Variants in ARHGEF10L observed in about 807,000 individuals in gnomAD.
The protein encoded by ARHGEF10L is Rho guanine nucleotide exchange factor 10 like, also known as rho guanine nucleotide exchange factor 10-like protein.
In ARHGEF10L, 69 loss-of-function variants were observed where a neutral mutation model predicts 141.2. That is an observed-to-expected ratio of 0.49 (90% CI 0.40 to 0.60). The LOEUF is 0.60. Among genes scored for constraint, ARHGEF10L ranks in the 20% least tolerant of loss-of-function variants. ARHGEF10L has a pLI of 0.00. For missense variants in ARHGEF10L, 1,482 were observed against 1,734.3 expected (o/e 0.85, Z 2.58); for synonymous variants, 711 against 718.5 (o/e 0.99, Z 0.17).
Position 17,619,056 on chromosome 1 carries a change from G to A in ARHGEF10L, c.836-283G>A, listed in dbSNP as rs1053113572. Among the ~76,000 whole-genome samples the A allele has an allele frequency of 2.7e-4, 41 of 152,202 alleles. No individual in the cohort carries two copies. The highest frequency in any genetic ancestry group is 9.4e-4 in the African/African-American group (39 of 41,520). On this transcript the variant is annotated intron_variant, in intron 9 of 28. Transcript: ENST00000361221. This position sits in a 1 kb window ranked among gnomAD's most constrained non-coding sequence, Gnocchi z 5.0. ...AGTGGCTTCTGGCAGCATGGACGCC[G>A]AGAACCCAGGCCCCACAGGACGCAG...
At chr1:17,695,056 AG>A (rs1558058681) in intron 27 of ARHGEF10L, 101 bp from the exon 28 acceptor site, 2 of 1,556,800 alleles carry the variant, frequency 1.3e-6, no homozygotes, top group Admixed American at 1.7e-5. Flanking sequence ...TGCTGGTTTC[AG>A]GGGAGGAGCC....
the ARHGEF10L span, among the ~76,000 whole-genome samples, chr1:17,534,374 C>T: frequency 1.3e-5 from 2 of 152,200 alleles, no homozygotes; most frequent in African/African-American, 2.4e-5. Flanking sequence ...TGCCCCACCT[C>T]GGCCTCCCAA....
chr1:17,608,035 G>A, intron 7 of ARHGEF10L, 58 bp downstream of exon 7: 1 of 1,303,566 alleles, frequency 7.7e-7, no homozygotes, highest in Non-Finnish European at 1.0e-6. Context: ...CCTTCAGGGA[G>A]GGAGGGAGGG....
Position 17,697,297 on chromosome 1 carries a change from G to C in ARHGEF10L, c.3757G>C (p.Ala1253Pro). The change falls in exon 29 of 29, where the codon GCT becomes CCT. Residue 1253 changes from alanine to proline, a missense_variant. Ala to Pro is a conservative substitution (Grantham distance 27, BLOSUM62 -1). Coordinates refer to ENST00000361221, the MANE Select transcript of ARHGEF10L (RefSeq NM_018125.4). The surrounding 1 kb of genome is among the most constrained non-coding windows in gnomAD (Gnocchi z 4.8). ...GGQGYRNFGS[A>P]LGSSGRQAPC... is the part of the protein sequence containing the mutation. ...GCAGGGCTACCGCAACTTTGGCAGC[G>C]CTCTGGGCAGCAGTGGGAGGCAGGC... 1.2e-6 allele frequency: 2 copies of C among 1,612,692 alleles called. No individual in the cohort carries two copies. Among genetic ancestry groups the C allele is most frequent in the Non-Finnish European group, 1.7e-6 (2 of 1,179,814 alleles).
chr1:17,692,285 G>A (rs57349752), intron 27 of ARHGEF10L, among the ~76,000 whole-genome samples: 4,190 of 152,206 alleles, frequency 0.028, 183 homozygotes, highest in African/African-American at 0.094. Flanking sequence ...CCACATTGCA[G>A]GGACGCTATG....
At chr1:17,590,206 C>T (rs1329144544) in intron 4 of ARHGEF10L, among the ~76,000 whole-genome samples, 5 of 152,114 alleles carry the variant, frequency 3.3e-5, no homozygotes, top group Non-Finnish European at 5.9e-5. Context: ...GGAGCTCATG[C>T]GCTGGTCCCT....
At chr1:17,680,602 C>G (rs977692716) in intron 26 of ARHGEF10L, among the ~76,000 whole-genome samples, 1 of 152,148 alleles carries the variant, frequency 6.6e-6, no homozygotes, top group Non-Finnish European at 1.5e-5. Context: ...CGCCAATGCT[C>G]TCCCTGGAAT....
intron 1 of ARHGEF10L, among the ~76,000 whole-genome samples, chr1:17,567,035 C>T (rs1181217483): frequency 6.6e-6 from 1 of 152,224 alleles, no homozygotes; most frequent in African/African-American, 2.4e-5. Context: ...TCCTGCTTTG[C>T]ACCCTGATCT....
intron 27 of ARHGEF10L, among the ~76,000 whole-genome samples, chr1:17,692,652 C>T (rs535193428): frequency 3.9e-5 from 6 of 152,344 alleles, no homozygotes; most frequent in Non-Finnish European, 8.8e-5. Context: ...CCCTGCTGGG[C>T]TCCTTGCTCC....
Position 17,697,194 on chromosome 1 carries a change from C to A in ARHGEF10L, c.3654C>A (p.Asp1218Glu). 6.2e-7 allele frequency: 1 copy of A among 1,612,110 alleles called. No individual in the cohort carries two copies. Among genetic ancestry groups the A allele is most frequent in the Non-Finnish European group, 8.5e-7 (1 of 1,179,486 alleles). Residue 1218 changes from aspartate to glutamate, a missense_variant, in exon 29 of 29, where the codon GAC (aspartate) becomes GAA (glutamate). Coordinates refer to ENST00000361221, the MANE Select transcript of ARHGEF10L (RefSeq NM_018125.4). This position sits in a 1 kb window ranked among gnomAD's most constrained non-coding sequence, Gnocchi z 4.8. ...TTTACGAGATGGCCGACGACCCCGA[C>A]ATCTGGGTGCGCAGCCGGCCCTGCG... ...GSIYEMADDP[D>E]IWVRSRPCAR...
intron 25 of ARHGEF10L, among the ~76,000 whole-genome samples, chr1:17,661,629 T>TG (rs928211933): frequency 3.3e-5 from 5 of 152,106 alleles, no homozygotes; most frequent in Non-Finnish European, 5.9e-5. Flanking sequence ...TTTCCAGTTT[T>TG]GGGGGGGTGT....
chr1:17,641,278 T>A (rs1220136596), intron 21 of ARHGEF10L, among the ~76,000 whole-genome samples: 1 of 152,240 alleles, frequency 6.6e-6, no homozygotes, highest in Non-Finnish European at 1.5e-5. Flanking sequence ...AACGTTTTTT[T>A]ATTTTTGTTT....
At chr1:17,588,513 G>A in intron 4 of ARHGEF10L, 34 bp downstream of exon 4, 2 of 1,613,800 alleles carry the variant, frequency 1.2e-6, no homozygotes, top group Non-Finnish European at 1.7e-6. Context: ...TTTGGCGGTT[G>A]GAAACAGGGA....
At chr1:17,630,464 G>A (rs532056011) in intron 15 of ARHGEF10L, among the ~76,000 whole-genome samples, 7 of 152,320 alleles carry the variant, frequency 4.6e-5, no homozygotes, top group South Asian at 2.1e-4. Context: ...TTGAGTTGGC[G>A]TTTGGTTTCC....
chr1:17,561,336 G>GGGGCAGAAGC (rs2077536402), intron 1 of ARHGEF10L, among the ~76,000 whole-genome samples: 2 of 152,206 alleles, frequency 1.3e-5, no homozygotes, highest in African/African-American at 4.8e-5. Flanking sequence ...AGCTGGAGAT[G>GGGGCAGAAGC]GGGCAGAAGC....
At chr1:17,524,424 ATTAG>A in the ARHGEF10L span, among the ~76,000 whole-genome samples, 1 of 98,890 alleles carries the variant, frequency 1.0e-5, no homozygotes, top group Non-Finnish European at 2.2e-5. Context: ...CACACACAAA[ATTAG>A]CCTGGTGTGG....
upstream of ARHGEF10L, among the ~76,000 whole-genome samples, chr1:17,535,788 G>T (rs1218082549): frequency 6.6e-6 from 1 of 152,128 alleles, no homozygotes; most frequent in African/African-American, 2.4e-5. Flanking sequence ...TGTTCCTTTT[G>T]TGGCTATTGA....
At chr1:17,665,100 G>C (rs566259582) in intron 26 of ARHGEF10L, among the ~76,000 whole-genome samples, 25 of 152,212 alleles carry the variant, frequency 1.6e-4, no homozygotes, top group Admixed American at 9.8e-4. Flanking sequence ...GCCTAGGCCC[G>C]TGCCTGTCTC....
Position 17,621,903 on chromosome 1 carries a change from G to T in ARHGEF10L, c.982G>T (p.Glu328Ter). Residue 328 changes from glutamate to a stop codon, truncating the protein, a stop_gained, in exon 11 of 29, where the codon GAA (glutamate) becomes TAA (stop). Coordinates refer to ENST00000361221, the MANE Select transcript of ARHGEF10L (RefSeq NM_018125.4). LOFTEE classifies it high-confidence loss of function. The surrounding 1 kb of genome is among the most constrained non-coding windows in gnomAD (Gnocchi z 4.1). ...RHILGSIVQS[E>*]GSYVESLKRI... is the part of the protein sequence containing the mutation. ...TATCCTGGGCTCCATCGTGCAGAGC[G>T]AAGGCAGCTACGTGGAGTCTCTGAA... The T allele has an allele frequency of 6.2e-7, 1 of 1,614,192 alleles. No individual in the cohort carries two copies. Among genetic ancestry groups the T allele is most frequent in the Non-Finnish European group, 8.5e-7 (1 of 1,180,036 alleles).
Sources: gnomAD v4.1 joint callset for allele counts (sites outside exome capture counted in the v4.1 genomes callset) on GRCh38, gnomAD v4.1.1 for gene constraint, Gnocchi (gnomAD v3.1) non-coding constraint, MANE v1.5 for transcripts, NCBI Gene and HGNC (gene_info 2026-07-23, HGNC 2026-07-21) for gene names.